LOC112694756: variants seen among roughly 807,000 people sequenced by gnomAD.
chr16:30,068,062 A>ATT, the LOC112694756 span: 967 of 176,380 alleles, frequency 5.5e-3, 6 homozygotes, highest in African/African-American at 0.011. Context: ...TTTTAAGTAA[A>ATT]TTTTTTTTTT....
chr16:30,060,085 TC>T, the LOC112694756 span, among the ~76,000 whole-genome samples: 1 of 151,756 alleles, frequency 6.6e-6, no homozygotes, highest in African/African-American at 2.4e-5. Flanking sequence ...TTTAAGCAAG[TC>T]TCCCACCTCA....
the LOC112694756 span, among the ~76,000 whole-genome samples, chr16:30,065,346 C>A: frequency 6.6e-6 from 1 of 152,192 alleles, no homozygotes; most frequent in African/African-American, 2.4e-5. Context: ...CCGCGAAGAC[C>A]GGAAGCTGGG....
the LOC112694756 span, chr16:30,063,992 G>A: frequency 2.5e-6 from 1 of 398,826 alleles, no homozygotes; most frequent in Non-Finnish European, 4.4e-6. Flanking sequence ...GCAGGGCCTG[G>A]CTCCCTGCAG....
the LOC112694756 span, chr16:30,070,120 A>C: frequency 6.2e-7 from 1 of 1,614,036 alleles, no homozygotes; most frequent in Non-Finnish European, 8.5e-7. Flanking sequence ...TGCTTAGGCC[A>C]ACAGCCTTGC....
chr16:30,069,211 T>C, the LOC112694756 span: 3 of 1,454,354 alleles, frequency 2.1e-6, no homozygotes, highest in Non-Finnish European at 2.9e-6. Flanking sequence ...GTCCCTGGCA[T>C]CATCAAGATA....
At chr16:30,069,413 G>GT in the LOC112694756 span, 1 of 1,614,088 alleles carries the variant, frequency 6.2e-7, no homozygotes, top group Non-Finnish European at 8.5e-7. Context: ...TGCCTGACCA[G>GT]TGCAAGGTGG....
chr16:30,068,019 T>G, the LOC112694756 span: 22 of 301,420 alleles, frequency 7.3e-5, no homozygotes, highest in Non-Finnish European at 1.2e-4. Context: ...ATATTTTAAT[T>G]TAATTGTAAC....
chr16:30,069,893 A>T, the LOC112694756 span: 3 of 1,614,142 alleles, frequency 1.9e-6, no homozygotes, highest in South Asian at 1.1e-5. Flanking sequence ...AATGCCATTA[A>T]CAAGTGCCCC....
chr16:30,062,070 G>C, the LOC112694756 span, among the ~76,000 whole-genome samples: 1 of 151,460 alleles, frequency 6.6e-6, no homozygotes, highest in African/African-American at 2.4e-5. Context: ...GGGTGTAGTG[G>C]CGGGCGCCTG....
At chr16:30,057,877 G>A in the LOC112694756 span, among the ~76,000 whole-genome samples, 33 of 151,894 alleles carry the variant, frequency 2.2e-4, no homozygotes, top group Non-Finnish European at 4.0e-4. Context: ...ATTGCGGTGA[G>A]CTGAGATCAT....
the LOC112694756 span, among the ~76,000 whole-genome samples, chr16:30,060,485 C>T: frequency 2.0e-5 from 3 of 152,170 alleles, no homozygotes; most frequent in Non-Finnish European, 4.4e-5. Context: ...AACAGTCTTG[C>T]GGAGTCCTTG....
the LOC112694756 span, among the ~76,000 whole-genome samples, chr16:30,061,325 A>G: frequency 6.6e-6 from 1 of 152,190 alleles, no homozygotes; most frequent in Non-Finnish European, 1.5e-5. Flanking sequence ...GCTTAGATTC[A>G]TCCATTCATT....
At chr16:30,069,845 C>A in the LOC112694756 span, 1 of 1,614,164 alleles carries the variant, frequency 6.2e-7, no homozygotes, top group Non-Finnish European at 8.5e-7. Context: ...ACCTTCCTGT[C>A]TGGAGGCCAG....
the LOC112694756 span, among the ~76,000 whole-genome samples, chr16:30,065,102 C>T: frequency 3.3e-5 from 5 of 152,172 alleles, no homozygotes; most frequent in Admixed American, 1.3e-4. Context: ...CGCACGCATG[C>T]GCGACCCAGC....
the LOC112694756 span, chr16:30,064,961 A>C: frequency 1.9e-5 from 3 of 154,426 alleles, no homozygotes; most frequent in Admixed American, 2.0e-4. Context: ...GTCAGGCTCA[A>C]GGAAGACGTT....
chr16:30,063,378 C>A, the LOC112694756 span, among the ~76,000 whole-genome samples: 9 of 152,090 alleles, frequency 5.9e-5, no homozygotes, highest in Admixed American at 5.9e-4. Flanking sequence ...ACTGCACAGA[C>A]CCCGGGACTG....
At chr16:30,056,066 G>T in the LOC112694756 span, among the ~76,000 whole-genome samples, 1 of 144,552 alleles carries the variant, frequency 6.9e-6, no homozygotes, top group South Asian at 2.2e-4. Context: ...TGCCCAACGT[G>T]CTGGGATTAC....
chr16:30,067,680 G>C, the LOC112694756 span: 2 of 1,613,800 alleles, frequency 1.2e-6, no homozygotes, highest in Non-Finnish European at 1.7e-6. Flanking sequence ...AGGGCCTCCG[G>C]ACGTGAGGTT....
the LOC112694756 span, among the ~76,000 whole-genome samples, chr16:30,061,548 CT>C: frequency 4.6e-3 from 305 of 65,594 alleles, no homozygotes; most frequent in Non-Finnish European, 6.8e-3. Flanking sequence ...CCTCCATTTC[CT>C]TTTTTTTTTT....
Sources: allele counts gnomAD v4.1 joint callset (sites outside exome capture counted in the v4.1 genomes callset), GRCh38; gene constraint gnomAD v4.1.1; transcripts MANE v1.5.